PLCH1: variants seen among roughly 807,000 people sequenced by gnomAD.
PLCH1 encodes 1-phosphatidylinositol 4,5-bisphosphate phosphodiesterase eta-1.
PLCH1 carries 60 observed loss-of-function variants against 126.7 expected under a neutral mutation model. That is an observed-to-expected ratio of 0.47 (90% confidence interval 0.38 to 0.59). The LOEUF is 0.59. PLCH1 is among the 20% of genes least tolerant of loss of function. PLCH1 has a pLI of 0.00. For synonymous variants in PLCH1, 719 were observed against 734.9 expected (o/e 0.98, Z 0.35); for missense variants, 1,723 against 2,040.0 (o/e 0.84, Z 2.99).
At chr3:155,743,490 C>G (rs1299231267) in intron 1 of PLCH1, 1 of 435,608 alleles carries the variant, frequency 2.3e-6, no homozygotes, top group African/African-American at 2.1e-5. Flanking sequence ...CGAGATCGCA[C>G]CACTGCACTC....
At chr3:155,744,592 C>T (rs541540283) in intron 1 of PLCH1, among the ~76,000 whole-genome samples, 1 of 152,280 alleles carries the variant, frequency 6.6e-6, no homozygotes, top group South Asian at 2.1e-4. Flanking sequence ...TTCGCGGACA[C>T]ACACACCCAC....
intron 15 of PLCH1, among the ~76,000 whole-genome samples, chr3:155,495,385 C>A (rs114386370): frequency 6.6e-6 from 1 of 152,106 alleles, no homozygotes; most frequent in Non-Finnish European, 1.5e-5. Context: ...ATCTACAAAG[C>A]CCCCGCTATT....
At chr3:155,557,942 C>G (rs1158823364) in intron 8 of PLCH1, among the ~76,000 whole-genome samples, 1 of 152,150 alleles carries the variant, frequency 6.6e-6, no homozygotes, top group African/African-American at 2.4e-5. Flanking sequence ...ATCCCCTGGA[C>G]AGAACATCCA....
chr3:155,549,226 A>T (rs1725785014), intron 10 of PLCH1, among the ~76,000 whole-genome samples: 1 of 152,194 alleles, frequency 6.6e-6, no homozygotes, highest in Non-Finnish European at 1.5e-5. Flanking sequence ...AAATCTGTTT[A>T]TGAAATGTCA....
At chr3:155,455,583 T>C (rs1712418185) in intron 21 of PLCH1, among the ~76,000 whole-genome samples, 2 of 152,150 alleles carry the variant, frequency 1.3e-5, no homozygotes, top group Admixed American at 1.3e-4. Context: ...ATGAAAGCAT[T>C]TGAGAAATAT....
At chr3:155,578,514 G>A (rs955850080) in intron 6 of PLCH1, among the ~76,000 whole-genome samples, 1 of 152,160 alleles carries the variant, frequency 6.6e-6, no homozygotes, top group Admixed American at 6.5e-5. Flanking sequence ...CTATCCAGGG[G>A]CCCAACAATA....
chr3:155,732,185 G>A lies in PLCH1; in HGVS notation c.-41+12655C>T, dbSNP rs371692611. 1.2e-4 allele frequency among the ~76,000 whole-genome samples: 18 copies of A among 151,902 alleles called. No individual in the cohort carries two copies. The East Asian group carries it at 2.1e-3, about 18-fold the overall frequency. Reference sequence around the variant, plus strand: ...CAAAAAAATTAGGAAAACAATAAATGACCAAAACAAGAAAATTAACAAAAA... The same window carrying A: ...CAAAAAAATTAGGAAAACAATAAATAACCAAAACAAGAAAATTAACAAAAA... On this transcript the variant is annotated intron_variant, in intron 1 of 22. Coordinates refer to ENST00000460012, the MANE Select transcript of PLCH1 (RefSeq NM_014996.4).
intron 2 of PLCH1, among the ~76,000 whole-genome samples, chr3:155,628,172 G>C (rs933405489): frequency 5.9e-5 from 9 of 151,694 alleles, no homozygotes; most frequent in African/African-American, 2.2e-4. Context: ...TATATAAAAA[G>C]GGGTTCAGGG....
At position 155,470,523 on chromosome 3, in the gene PLCH1, C is replaced by T. The variant is rs1036070480; in HGVS notation, c.2938+14833G>A. On this transcript the variant is annotated intron_variant, in intron 21 of 21. Coordinates refer to the PLCH1 transcript ENST00000494598. The stretch of plus-strand genomic sequence containing the variant: ...CTCTGCAGGATATTATCCAGGAGAA[C>T]TTCCCCAATCTACCAAGGCAGGCCA... Among the ~76,000 whole-genome samples, 5 of 152,172 alleles carry T rather than the reference C, an allele frequency of 3.3e-5. 1 individual carries two copies. The South Asian group carries it at 1.0e-3, about 32-fold the overall frequency.
At chr3:155,665,455 A>G (rs1341127914) in intron 2 of PLCH1, among the ~76,000 whole-genome samples, 1 of 152,244 alleles carries the variant, frequency 6.6e-6, no homozygotes, top group African/African-American at 2.4e-5. Context: ...AGTGCTTTCA[A>G]GAAAGAAGAA....
At chr3:155,641,690 T>C (rs927426029) in intron 2 of PLCH1, among the ~76,000 whole-genome samples, 2 of 152,204 alleles carry the variant, frequency 1.3e-5, no homozygotes, top group African/African-American at 4.8e-5. Context: ...TATCAAAATA[T>C]TATATGTACC....
chr3:155,523,713 C>T (rs1409760849), intron 11 of PLCH1, among the ~76,000 whole-genome samples, 184 bp downstream of exon 11: 1 of 152,150 alleles, frequency 6.6e-6, no homozygotes, highest in Non-Finnish European at 1.5e-5. Flanking sequence ...CACAAGAATC[C>T]TTGACTCATT....
chr3:155,586,131 C>A lies in PLCH1; in HGVS notation c.534G>T (p.Glu178Asp), dbSNP rs1731337992. ...KNGDGLLNIE[E>D]IHQLMHKLNV... is the part of the protein sequence containing the mutation. ...TCAGTTTATGCATCAGCTGATGTAT[C>A]TCTTCAATATTCAGCAAGCCGTCAC... The change falls in exon 5 of 23, where the codon GAG becomes GAT. Residue 178 changes from glutamate (E) to aspartate (D), a missense_variant. Physicochemically the swap from Glu to Asp is conservative, Grantham distance 45. Transcript: ENST00000460012. 1.2e-6 allele frequency: 2 copies of A among 1,612,628 alleles called. No individual in the cohort carries two copies. Among genetic ancestry groups the A allele is most frequent in the Non-Finnish European group, 1.7e-6 (2 of 1,178,626 alleles).
intron 1 of PLCH1, among the ~76,000 whole-genome samples, chr3:155,707,150 A>T (rs1320257767): frequency 1.3e-5 from 2 of 152,160 alleles, no homozygotes; most frequent in Non-Finnish European, 2.9e-5. Context: ...CAAGACATCA[A>T]ATCTGCCAAT....
At chr3:155,734,025 A>G (rs545815442) in intron 1 of PLCH1, among the ~76,000 whole-genome samples, 6 of 146,118 alleles carry the variant, frequency 4.1e-5, no homozygotes, top group African/African-American at 1.5e-4. Context: ...TAAAATCACA[A>G]TGAGATTTCA....
At chr3:155,739,005 A>G (rs901472096) in intron 1 of PLCH1, among the ~76,000 whole-genome samples, 3 of 152,180 alleles carry the variant, frequency 2.0e-5, no homozygotes, top group African/African-American at 2.4e-5. Context: ...TCAGCCACCA[A>G]TTGGCTGTGT....
intron 4 of PLCH1, among the ~76,000 whole-genome samples, chr3:155,592,602 C>T (rs77866332): frequency 0.056 from 8,534 of 152,132 alleles, 277 homozygotes; most frequent in Middle Eastern, 0.1. Flanking sequence ...AAAGGGCAGT[C>T]GGCTGCAAGA....
At chr3:155,715,744 C>G (rs1007029279) in intron 1 of PLCH1, among the ~76,000 whole-genome samples, 1 of 151,156 alleles carries the variant, frequency 6.6e-6, no homozygotes, top group East Asian at 2.0e-4. Flanking sequence ...TTCCAAGTAA[C>G]TAGAACTACA....
chr3:155,706,248 G>A (rs1440285369), intron 1 of PLCH1, among the ~76,000 whole-genome samples: 1 of 151,728 alleles, frequency 6.6e-6, no homozygotes, highest in Non-Finnish European at 1.5e-5. Context: ...AGCACTTTGG[G>A]AGGCCAAGGT....
Sources: gnomAD v4.1 joint callset for allele counts (sites outside exome capture counted in the v4.1 genomes callset) on GRCh38, gnomAD v4.1.1 for gene constraint, MANE v1.5 for transcripts, NCBI Gene and HGNC (gene_info 2026-07-23, HGNC 2026-07-21) for gene names.